Variants in FAM227A observed in about 807,000 individuals in gnomAD.
The protein encoded by FAM227A is protein FAM227A.
In FAM227A, 80 loss-of-function variants were observed where a neutral mutation model predicts 74.7. The observed-to-expected ratio is 1.07, with a 90% CI of 0.89 to 1.29. FAM227A has a LOEUF of 1.29. FAM227A is among the 50% of genes most tolerant of loss of function. The probability of loss-of-function intolerance (pLI) is 0.00; values close to 1 mark genes in which losing one functional copy is unlikely to be tolerated. For missense variants in FAM227A, 654 were observed against 683.4 expected (o/e 0.96, Z 0.48); for synonymous variants, 237 against 241.8 (o/e 0.98, Z 0.19).
chr22:38,620,091 A>G (rs1371892255), intron 11 of FAM227A, 121 bp downstream of exon 11: 2 of 672,582 alleles, frequency 3.0e-6, no homozygotes, highest in Non-Finnish European at 2.6e-6. Context: ...GATGGAGTGG[A>G]CCTGGGCAAG....
rs1485321793 is a variant in FAM227A at position 38,623,286 on chromosome 22, G to C, written c.851-7C>G. 2 of 1,539,398 alleles carry C rather than the reference G, an allele frequency of 1.3e-6. No individual in the cohort carries two copies. Among genetic ancestry groups the C allele is most frequent in the East Asian group, 4.9e-5 (2 of 40,860 alleles). On this transcript the variant is annotated splice_region_variant and splice_polypyrimidine_tract_variant and intron_variant, in intron 9 of 16. Coordinates refer to ENST00000535113, the MANE Select transcript of FAM227A (RefSeq NM_001013647.2). ...TGTGGGCTAGGATAGGTGCCTAAGG[G>C]AGGAGTCAAGAGTGAGAATGGGGCC...
chr22:38,590,546 T>C (rs2090910093), intron 16 of FAM227A, among the ~76,000 whole-genome samples: 1 of 152,148 alleles, frequency 6.6e-6, no homozygotes, highest in Non-Finnish European at 1.5e-5. Flanking sequence ...AGGTCTAATA[T>C]GCCTGCAGAT....
intron 16 of FAM227A, 87 bp from the exon 17 acceptor site, chr22:38,586,286 C>A: frequency 7.1e-7 from 1 of 1,409,166 alleles, no homozygotes; most frequent in Non-Finnish European, 9.7e-7. Context: ...AGTGGCGTGG[C>A]CAGTGGTGAT....
chr22:38,606,571 T>C (rs984810013), intron 12 of FAM227A, among the ~76,000 whole-genome samples: 2 of 152,210 alleles, frequency 1.3e-5, no homozygotes, highest in Non-Finnish European at 2.9e-5. Flanking sequence ...TGGCCAGCAC[T>C]GGTGCTTCCC....
At chr22:38,607,517 A>G (rs1372443253) in intron 11 of FAM227A, 41 bp from the exon 12 acceptor site, 4 of 1,325,492 alleles carry the variant, frequency 3.0e-6, no homozygotes, top group South Asian at 2.5e-5. Context: ...AGAAAGCGAG[A>G]GAGAGAGAAC....
At chr22:38,613,111 ATATAT>A (rs2091460405) in intron 11 of FAM227A, among the ~76,000 whole-genome samples, 2 of 94,430 alleles carry the variant, frequency 2.1e-5, no homozygotes, top group African/African-American at 9.3e-5. Flanking sequence ...ATAATTATAT[ATATAT>A]TATATATAAT....
chr22:38,598,552 A>G (rs1273351786), intron 14 of FAM227A, among the ~76,000 whole-genome samples: 1 of 152,236 alleles, frequency 6.6e-6, no homozygotes, highest in East Asian at 1.9e-4. Flanking sequence ...CTCTCCCTAT[A>G]GAACATGTAA....
intron 6 of FAM227A, among the ~76,000 whole-genome samples, chr22:38,631,637 A>G (rs1221939055): frequency 6.6e-6 from 1 of 152,130 alleles, no homozygotes; most frequent in Non-Finnish European, 1.5e-5. Flanking sequence ...CACTTGACAC[A>G]TGTGGGGTAC....
Position 38,582,492 on chromosome 22 carries a change from A to C in FAM227A, c.*3633T>G. ...GCTTTTTAAATGTTAGTTCCCTTTGATGCTCTACCCCGCTTCCCTTATAAA... is the reference window on the plus strand; with the variant it reads ...GCTTTTTAAATGTTAGTTCCCTTTGCTGCTCTACCCCGCTTCCCTTATAAA... On this transcript the variant is annotated 3_prime_UTR_variant, in exon 17 of 17. Transcript: ENST00000535113. 3 of 1,403,668 alleles carry C rather than the reference A, an allele frequency of 2.1e-6. No individual in the cohort carries two copies. The highest frequency in any genetic ancestry group is 2.9e-6 in the Non-Finnish European group (3 of 1,020,688). The allele number at this position is 1,403,668 out of a possible 1,614,324, so 87.0% of individuals were successfully genotyped here.
chr22:38,607,547 G>C, intron 11 of FAM227A, 71 bp from the exon 12 acceptor site: 1 of 1,061,774 alleles, frequency 9.4e-7, no homozygotes, highest in Non-Finnish European at 1.4e-6. Context: ...TTGGCAGTGA[G>C]AGAAATACAA....
At chr22:38,610,958 G>A (rs2091400470) in intron 11 of FAM227A, among the ~76,000 whole-genome samples, 1 of 152,122 alleles carries the variant, frequency 6.6e-6, no homozygotes, top group Admixed American at 6.5e-5. Context: ...TACTTGGGAG[G>A]CTGAAGTAGG....
Position 38,607,309 on chromosome 22 carries a change from AT to A in FAM227A, c.1126+79del. The A allele has an allele frequency of 2.8e-6, 3 of 1,073,620 alleles. No individual in the cohort carries two copies. The South Asian group carries it at 4.3e-5, about 15-fold the overall frequency. 66.5% of individuals were successfully genotyped at this position (1,073,620 alleles called of 1,614,324 possible). On this transcript the variant is annotated intron_variant, in intron 12 of 16. Coordinates refer to ENST00000535113, the MANE Select transcript of FAM227A (RefSeq NM_001013647.2). ...TAAAGTAGGTCAGCAAATTCTGTTC[AT>A]ACGAACCCAAGAAACCAGGGTTTTG...
chr22:38,602,292 C>G (rs1376352261), intron 13 of FAM227A, among the ~76,000 whole-genome samples: 1 of 152,148 alleles, frequency 6.6e-6, no homozygotes, highest in East Asian at 1.9e-4. Context: ...CTGGCCTCCC[C>G]CAATGTCCCC....
At chr22:38,613,298 T>TATAAC (rs1196291636) in intron 11 of FAM227A, among the ~76,000 whole-genome samples, 116 of 77,774 alleles carry the variant, frequency 1.5e-3, no homozygotes, top group African/African-American at 6.6e-3. Flanking sequence ...ATATATATCA[T>TATAAC]ATATAATATA....
At chr22:38,615,248 C>T (rs2091551110) in intron 11 of FAM227A, among the ~76,000 whole-genome samples, 1 of 152,218 alleles carries the variant, frequency 6.6e-6, no homozygotes, top group Admixed American at 6.5e-5. Context: ...GTCTTGAACT[C>T]CTGACCTCAA....
chr22:38,607,911 G>A (rs1394927232), intron 11 of FAM227A, among the ~76,000 whole-genome samples: 1 of 152,146 alleles, frequency 6.6e-6, no homozygotes. Context: ...AACTACTAAT[G>A]TGTTTGCACT....
At chr22:38,655,445 C>T (rs958729080) in intron 1 of FAM227A, among the ~76,000 whole-genome samples, 1 of 151,102 alleles carries the variant, frequency 6.6e-6, no homozygotes, top group Non-Finnish European at 1.5e-5. Context: ...ACAGCAGAAT[C>T]GCTTGAACCC....
chr22:38,646,248 C>CTTTTTTTTT (rs1165890437), intron 2 of FAM227A, among the ~76,000 whole-genome samples: 36 of 82,396 alleles, frequency 4.4e-4, no homozygotes, highest in African/African-American at 1.1e-3. Context: ...TCCAGTATTT[C>CTTTTTTTTT]TTTTTTTTTT....
intron 10 of FAM227A, among the ~76,000 whole-genome samples, chr22:38,621,299 G>A (rs1325229260): frequency 3.4e-5 from 5 of 144,962 alleles, no homozygotes; most frequent in African/African-American, 7.7e-5. Context: ...GCTGTGAGCC[G>A]AGATCACGCC....
Sources: gnomAD v4.1 joint callset for allele counts (sites outside exome capture counted in the v4.1 genomes callset) on GRCh38, gnomAD v4.1.1 for gene constraint, MANE v1.5 for transcripts, NCBI Gene and HGNC (gene_info 2026-07-23, HGNC 2026-07-21) for gene names.